Variants in CEP164 observed in about 807,000 individuals in gnomAD.
The protein encoded by CEP164 is centrosomal protein 164.
A neutral mutation model predicts 182.7 loss-of-function variants in CEP164; 162 were observed. The observed-to-expected ratio is 0.89, with a 90% confidence interval of 0.78 to 1.01. The LOEUF (loss-of-function observed/expected upper bound fraction) is 1.01, where lower values mean the gene tolerates loss of function less well. Ranked by LOEUF, CEP164 falls within the 50% of genes least tolerant of loss-of-function variation. The pLI is 0.00. For missense variants in CEP164, 1,735 were observed against 1,790.4 expected, an observed-to-expected ratio of 0.97 and a Z score of 0.56; for synonymous variants, 661 against 690.0, an observed-to-expected ratio of 0.96 and a Z score of 0.66.
At chr11:117,332,702 C>T (rs1292927894) in intron 1 of CEP164, among the ~76,000 whole-genome samples, 1 of 152,182 alleles carries the variant, frequency 6.6e-6, no homozygotes, top group Non-Finnish European at 1.5e-5. Context: ...GCTGGGAAGG[C>T]TTCCTGGAGG....
intron 1 of CEP164, among the ~76,000 whole-genome samples, chr11:117,322,004 GTTT>G (rs1399483445): frequency 6.6e-6 from 1 of 152,048 alleles, no homozygotes; most frequent in Non-Finnish European, 1.5e-5. Context: ...GGCTGTTACT[GTTT>G]TTTGATTAAC....
chr11:117,340,094 C>T (rs1044585591), intron 3 of CEP164, among the ~76,000 whole-genome samples: 1 of 151,836 alleles, frequency 6.6e-6, no homozygotes, highest in African/African-American at 2.4e-5. Context: ...GGCGGGATCT[C>T]TGCTCACTGC....
At chr11:117,354,809 TTAAG>T (rs1027149967) in intron 5 of CEP164, 47 of 230,038 alleles carry the variant, frequency 2.0e-4, no homozygotes, top group African/African-American at 9.7e-4. Flanking sequence ...TTATTATACT[TTAAG>T]TTTTAGGGTT....
chr11:117,403,215 T>A (rs531671464), intron 27 of CEP164, among the ~76,000 whole-genome samples: 181 of 152,362 alleles, frequency 1.2e-3, no homozygotes, highest in African/African-American at 4.3e-3. Flanking sequence ...GTCATTATGA[T>A]GCTAGCTGGT....
chr11:117,403,828 T>C (rs2046400869), intron 27 of CEP164, among the ~76,000 whole-genome samples: 1 of 152,078 alleles, frequency 6.6e-6, no homozygotes, highest in Admixed American at 6.5e-5. Context: ...CATAGTCCCA[T>C]ATTTCTTGGA....
intron 27 of CEP164, among the ~76,000 whole-genome samples, chr11:117,407,115 TG>T (rs911197462): frequency 1.3e-5 from 2 of 151,432 alleles, no homozygotes; most frequent in Admixed American, 6.6e-5. Context: ...AGAAAAGAAA[TG>T]GTGTTTCTGA....
chr11:117,332,100 C>T (rs1267733691), intron 1 of CEP164, among the ~76,000 whole-genome samples: 6 of 151,612 alleles, frequency 4.0e-5, no homozygotes, highest in East Asian at 1.9e-4. Flanking sequence ...TTGGGATTAC[C>T]GGTGTGAGCC....
intron 14 of CEP164, chr11:117,385,522 C>G (rs1464191818): frequency 6.6e-6 from 1 of 152,258 alleles, no homozygotes; most frequent in African/African-American, 2.4e-5. Context: ...CCCATCTTTC[C>G]ACAGCATTAT....
intron 8 of CEP164, among the ~76,000 whole-genome samples, chr11:117,366,993 G>T (rs996452610): frequency 2.0e-5 from 3 of 152,224 alleles, no homozygotes. Flanking sequence ...CAAGGACCTG[G>T]GGCTGTGAAA....
chr11:117,402,918 T>G (rs2046303645), intron 27 of CEP164, among the ~76,000 whole-genome samples: 1 of 152,274 alleles, frequency 6.6e-6, no homozygotes, highest in African/African-American at 2.4e-5. Context: ...TTTACCGTTA[T>G]GTAATGCCCT....
intron 5 of CEP164, among the ~76,000 whole-genome samples, chr11:117,354,107 C>T (rs2040018182): frequency 6.6e-6 from 1 of 151,890 alleles, no homozygotes; most frequent in South Asian, 2.1e-4. Flanking sequence ...ACCTCCGCCC[C>T]CTGGGTTCAA....
chr11:117,406,344 A>G (rs2046672351), intron 27 of CEP164, among the ~76,000 whole-genome samples: 1 of 152,164 alleles, frequency 6.6e-6, no homozygotes, highest in African/African-American at 2.4e-5. Flanking sequence ...ATTCACTATC[A>G]CAAGAACAGT....
In CEP164 at chr11:117,411,787, C is replaced by T. The variant is rs1565647287; in HGVS notation, c.4164-8C>T. On this transcript the variant is annotated splice_region_variant and splice_polypyrimidine_tract_variant and intron_variant, in intron 31 of 32. Coordinates refer to ENST00000278935, the MANE Select transcript of CEP164 (RefSeq NM_014956.5). The surrounding 1 kb of genome is among the most constrained non-coding windows in gnomAD (Gnocchi z 4.4). The stretch of plus-strand genomic sequence containing the variant: ...CTCCCCTCGCCATGCTCTCCTCTTC[C>T]TTCCCAGTGAGCAGCTCCGGCTCCT... 1 of 1,613,944 alleles carries T rather than the reference C, an allele frequency of 6.2e-7. No individual in the cohort carries two copies. The highest frequency in any genetic ancestry group is 8.5e-7 in the Non-Finnish European group (1 of 1,179,990).
chr11:117,360,975 C>G (rs2040879664), intron 5 of CEP164, among the ~76,000 whole-genome samples: 1 of 148,028 alleles, frequency 6.8e-6, no homozygotes, highest in Non-Finnish European at 1.5e-5. Context: ...CGCTCTGTCG[C>G]TCAGGCTGGA....
chr11:117,336,705 T>C (rs1294886560), intron 2 of CEP164: 2 of 742,632 alleles, frequency 2.7e-6, no homozygotes, highest in Non-Finnish European at 4.8e-6. Flanking sequence ...ATGTTTTTAA[T>C]GGCTGGGCCT....
In CEP164 at chr11:117,394,458, C is replaced by T. The variant is rs760648201; in HGVS notation, c.2725C>T (p.Arg909Cys). Residue 909 changes from arginine to cysteine, a missense_variant, in exon 21 of 33, where the codon CGT (arginine) becomes TGT (cysteine). Physicochemically the swap from Arg to Cys is radical, Grantham distance 180. Coordinates refer to ENST00000278935, the MANE Select transcript of CEP164 (RefSeq NM_014956.5). The surrounding 1 kb of genome is among the most constrained non-coding windows in gnomAD (Gnocchi z 4.0). Reference protein sequence around the residue: ...LETVRQEQHKRLEDLRRRHRE... With the variant: ...LETVRQEQHKCLEDLRRRHRE... ...GACTGTGAGGCAGGAGCAACACAAG[C>T]GTCTTGAGGACTTGCGGCGCCGGCA... 3 of 1,614,108 alleles carry T rather than the reference C, an allele frequency of 1.9e-6. No individual in the cohort carries two copies. The highest frequency in any genetic ancestry group is 1.1e-5 in the South Asian group (1 of 91,068).
At chr11:117,401,927 T>C (rs2046186098) in intron 27 of CEP164, among the ~76,000 whole-genome samples, 1 of 152,220 alleles carries the variant, frequency 6.6e-6, no homozygotes, top group Admixed American at 6.5e-5. Flanking sequence ...AACCAGCTCC[T>C]GGATTGATTG....
intron 1 of CEP164, among the ~76,000 whole-genome samples, chr11:117,328,811 G>A (rs2035734509): frequency 6.6e-6 from 1 of 152,164 alleles, no homozygotes; most frequent in Non-Finnish European, 1.5e-5. Context: ...AGTGTAGTAG[G>A]TGGGGCTGCC....
intron 4 of CEP164, among the ~76,000 whole-genome samples, chr11:117,344,655 G>A (rs953859036): frequency 1.3e-5 from 2 of 152,148 alleles, no homozygotes; most frequent in Non-Finnish European, 2.9e-5. Context: ...TGCCGGGTAC[G>A]GTGGCCCACG....
Sources: gnomAD v4.1 joint callset for allele counts (sites outside exome capture counted in the v4.1 genomes callset) on GRCh38, gnomAD v4.1.1 for gene constraint, Gnocchi (gnomAD v3.1) non-coding constraint, MANE v1.5 for transcripts, NCBI Gene and HGNC (gene_info 2026-07-23, HGNC 2026-07-21) for gene names.